KLHL3: variants seen among roughly 807,000 people sequenced by gnomAD.
KLHL3 encodes kelch like family member 3, also known as kelch-like protein 3.
In KLHL3, 19 loss-of-function variants were observed where a neutral mutation model predicts 70.5. The observed-to-expected ratio is 0.27, with a 90% confidence interval of 0.19 to 0.40. KLHL3 has a LOEUF of 0.40. KLHL3 is among the 10% of genes least tolerant of loss of function. The pLI is 1.00. For missense variants in KLHL3, 512 were observed against 771.1 expected, an observed-to-expected ratio of 0.66 and a Z score of 3.98; for synonymous variants, 258 against 290.3, an observed-to-expected ratio of 0.89 and a Z score of 1.13.
At chr5:137,673,924 C>T (rs1245753418) in intron 6 of KLHL3, 1 of 152,178 alleles carries the variant, frequency 6.6e-6, no homozygotes, top group Non-Finnish European at 1.5e-5. Flanking sequence ...TCTGACCCTG[C>T]TAGGCACTGG....
chr5:137,698,191 C>A (rs1752489827), intron 4 of KLHL3, 96 bp downstream of exon 4: 3 of 1,475,580 alleles, frequency 2.0e-6, no homozygotes, highest in East Asian at 4.6e-5. Context: ...TCTTCAGTAA[C>A]CAACTGAATT....
At chr5:137,648,022 TA>T (rs1176889902) in intron 8 of KLHL3, among the ~76,000 whole-genome samples, 1 of 152,232 alleles carries the variant, frequency 6.6e-6, no homozygotes, top group African/African-American at 2.4e-5. Flanking sequence ...CAATGCTTGA[TA>T]AATAGTAAAC....
intron 3 of KLHL3, among the ~76,000 whole-genome samples, chr5:137,699,931 G>A (rs565184758): frequency 1.4e-4 from 21 of 152,290 alleles, no homozygotes; most frequent in South Asian, 6.2e-4. Flanking sequence ...CCAATCCAAA[G>A]TCCCATCCTG....
intron 8 of KLHL3, among the ~76,000 whole-genome samples, chr5:137,650,532 T>C (rs1751173609): frequency 6.6e-6 from 1 of 152,112 alleles, no homozygotes; most frequent in Admixed American, 6.5e-5. Context: ...TAAAAAGTAA[T>C]GAATTGGCAA....
chr5:137,704,378 C>A (rs1172140397), intron 3 of KLHL3, among the ~76,000 whole-genome samples: 3 of 150,590 alleles, frequency 2.0e-5, no homozygotes, highest in Admixed American at 1.3e-4. Flanking sequence ...GGCGACAGAG[C>A]AAGACTCCGT....
chr5:137,689,800 C>T (rs1220171336), intron 5 of KLHL3, among the ~76,000 whole-genome samples: 1 of 152,174 alleles, frequency 6.6e-6, no homozygotes, highest in East Asian at 1.9e-4. Flanking sequence ...ATATGTACCT[C>T]TTGAATCTAG....
Position 137,620,924 on chromosome 5 carries a change from A to G in KLHL3, c.*1174T>C, listed in dbSNP as rs1750277772. ...ACATTAGACAGACTTGACCACTGTCACAAAGTGCCAAGGGCCAGCTCTAGT... is the reference window on the plus strand; with the variant it reads ...ACATTAGACAGACTTGACCACTGTCGCAAAGTGCCAAGGGCCAGCTCTAGT... On this transcript the variant is annotated 3_prime_UTR_variant, in exon 15 of 15. Transcript: ENST00000309755. 6.6e-6 allele frequency: 1 copy of G among 152,290 alleles called. No individual in the cohort carries two copies. The highest frequency in any genetic ancestry group is 1.5e-5 in the Non-Finnish European group (1 of 68,070). 9.4% of individuals were successfully genotyped at this position (152,290 alleles called of 1,614,324 possible).
chr5:137,706,547 A>G (rs1440426193), intron 3 of KLHL3: 3 of 173,826 alleles, frequency 1.7e-5, no homozygotes, highest in East Asian at 1.9e-4. Context: ...AGTACTTCTT[A>G]TTCTAGGAAT....
chr5:137,731,341 T>G (rs1417618344), intron 1 of KLHL3, among the ~76,000 whole-genome samples: 1 of 152,202 alleles, frequency 6.6e-6, no homozygotes. Context: ...TTTTACAGAA[T>G]TTTCTATCCC....
chr5:137,711,746 T>C (rs555009327), intron 2 of KLHL3, among the ~76,000 whole-genome samples: 2 of 152,290 alleles, frequency 1.3e-5, no homozygotes, highest in African/African-American at 4.8e-5. Context: ...ACATATATCA[T>C]GGGGGCCAAA....
At chr5:137,642,788 C>A (rs555338690) in intron 8 of KLHL3, among the ~76,000 whole-genome samples, 16 of 151,962 alleles carry the variant, frequency 1.1e-4, no homozygotes, top group Non-Finnish European at 2.2e-4. Context: ...AAAGTGAGAG[C>A]TTTTCCCATC....
chr5:137,628,712 TAC>T (rs66565266), intron 12 of KLHL3: 23 of 199,338 alleles, frequency 1.2e-4, no homozygotes, highest in South Asian at 2.0e-4. Flanking sequence ...TATATATATA[TAC>T]ACACACACAG....
chr5:137,631,323 C>T (rs1750631974), intron 12 of KLHL3, among the ~76,000 whole-genome samples: 1 of 152,150 alleles, frequency 6.6e-6, no homozygotes, highest in South Asian at 2.1e-4. Context: ...GCTCTGCTTC[C>T]TGAAAAATCC....
At chr5:137,698,158 ACC>A in intron 4 of KLHL3, 127 bp downstream of exon 4, 1 of 1,250,360 alleles carries the variant, frequency 8.0e-7, no homozygotes, top group South Asian at 1.5e-5. Context: ...AGGTCACCTG[ACC>A]TCTCTGGAGC....
intron 1 of KLHL3, among the ~76,000 whole-genome samples, chr5:137,732,416 T>A (rs1333738902): frequency 6.6e-6 from 1 of 150,872 alleles, no homozygotes; most frequent in Non-Finnish European, 1.5e-5. Flanking sequence ...TGAACAAACA[T>A]GCATCCAGCC....
At chr5:137,671,529 G>T (rs886162871) in intron 6 of KLHL3, among the ~76,000 whole-genome samples, 5 of 152,102 alleles carry the variant, frequency 3.3e-5, no homozygotes, top group African/African-American at 1.2e-4. Flanking sequence ...GTGGGGCTTG[G>T]GAGGCAGACA....
chr5:137,654,594 T>C (rs1751293524), intron 8 of KLHL3, among the ~76,000 whole-genome samples: 1 of 152,182 alleles, frequency 6.6e-6, no homozygotes, highest in Non-Finnish European at 1.5e-5. Flanking sequence ...GCTTAAACAA[T>C]GGTGATGAGA....
intron 11 of KLHL3, 85 bp from the exon 12 acceptor site, chr5:137,634,250 T>G: frequency 6.9e-7 from 1 of 1,440,842 alleles, no homozygotes; most frequent in Non-Finnish European, 9.3e-7. Flanking sequence ...TGCAACCAAC[T>G]GGGGCACCCT....
intron 1 of KLHL3, among the ~76,000 whole-genome samples, chr5:137,722,175 C>A (rs1753009027): frequency 2.0e-5 from 3 of 152,204 alleles, no homozygotes; most frequent in African/African-American, 7.2e-5. Context: ...GGCTTCTATG[C>A]TTTAGAGTAT....
Sources: gnomAD v4.1 joint callset for allele counts (sites outside exome capture counted in the v4.1 genomes callset) on GRCh38, gnomAD v4.1.1 for gene constraint, MANE v1.5 for transcripts, NCBI Gene and HGNC (gene_info 2026-07-23, HGNC 2026-07-21) for gene names.